The following AFAP1L2 variants were observed in gnomAD, a reference collection of about 807,000 sequenced individuals.
AFAP1L2 encodes the protein actin filament-associated protein 1-like 2.
Under a neutral mutation model 99.3 loss-of-function variants are expected in AFAP1L2, and 46 were observed. The ratio of observed to expected loss-of-function variants is 0.46; its 90% confidence interval spans 0.37 to 0.59. The LOEUF (loss-of-function observed/expected upper bound fraction) is 0.59, where lower values mean the gene tolerates loss of function less well. Ranked by LOEUF, AFAP1L2 falls within the 20% of genes least tolerant of loss-of-function variation. AFAP1L2 has a pLI of 0.00. For synonymous variants in AFAP1L2, 397 were observed against 419.1 expected (o/e 0.95, Z 0.64); for missense variants, 959 against 1,034.9 (o/e 0.93, Z 1.01).
chr10:114,307,285 C>T (rs2042586170), intron 10 of AFAP1L2, among the ~76,000 whole-genome samples: 1 of 152,124 alleles, frequency 6.6e-6, no homozygotes, highest in Non-Finnish European at 1.5e-5. Flanking sequence ...ACCATTCCAG[C>T]CCATTCCACT....
chr10:114,343,716 A>G (rs1459189945), intron 1 of AFAP1L2, among the ~76,000 whole-genome samples: 1 of 152,186 alleles, frequency 6.6e-6, no homozygotes, highest in Non-Finnish European at 1.5e-5. Flanking sequence ...TAGAGGTTGC[A>G]CCTGGCAAAA....
At chr10:114,286,618 G>A in the AFAP1L2 span, 4 of 945,656 alleles carry the variant, frequency 4.2e-6, no homozygotes, top group Non-Finnish European at 4.6e-6. Flanking sequence ...TCTAGGGGCT[G>A]AAACCACAGC....
chr10:114,290,341 T>C, downstream of AFAP1L2: 1 of 1,550,580 alleles, frequency 6.4e-7, no homozygotes, highest in Non-Finnish European at 8.7e-7. Context: ...TCGGGATGGC[T>C]GGGAGGGCCC....
rs2040105067 is a variant in AFAP1L2, at chr10:114,295,720, G to GT, written c.*321dup. 5 of 1,087,728 alleles carry GT rather than the reference G, an allele frequency of 4.6e-6. No homozygotes were observed. Among genetic ancestry groups the GT allele is most frequent in the Admixed American group, 9.7e-5 (2 of 20,640 alleles). The allele number at this position is 1,087,728 out of a possible 1,614,324, so 67.4% of individuals were successfully genotyped here. On this transcript the variant is annotated 3_prime_UTR_variant, in exon 19 of 19. Transcript: ENST00000304129. Reference sequence around the variant, plus strand: ...TCTTCCACCAAAGTCTAAACAGGAGGTTTTCACTATTTAAAAATCTTAGTA... The same window carrying GT: ...TCTTCCACCAAAGTCTAAACAGGAGGTTTTTCACTATTTAAAAATCTTAGTA...
intron 1 of AFAP1L2, among the ~76,000 whole-genome samples, chr10:114,387,708 A>T (rs2056677589): frequency 6.6e-6 from 1 of 152,228 alleles, no homozygotes; most frequent in African/African-American, 2.4e-5. Context: ...ATATGAACCC[A>T]ATCTGCACGA....
intron 1 of AFAP1L2, among the ~76,000 whole-genome samples, chr10:114,366,257 T>G (rs1056369115): frequency 1.3e-5 from 2 of 152,060 alleles, no homozygotes; most frequent in African/African-American, 4.8e-5. Context: ...AAATACGTAA[T>G]GGAGGCAGGC....
At chr10:114,396,222 GAC>G (rs1340215164) in intron 1 of AFAP1L2, among the ~76,000 whole-genome samples, 1 of 152,200 alleles carries the variant, frequency 6.6e-6, no homozygotes, top group African/African-American at 2.4e-5. Context: ...TAGAGATGCA[GAC>G]ACAGACCCAG....
intron 18 of AFAP1L2, 31 bp from the exon 19 acceptor site, chr10:114,296,099 C>G (rs778002942): frequency 6.2e-7 from 1 of 1,613,906 alleles, no homozygotes; most frequent in Non-Finnish European, 8.5e-7. Context: ...CAGCACCCAC[C>G]CCCCACCAAA....
At chr10:114,300,788 C>T in intron 13 of AFAP1L2, 98 bp from the exon 14 acceptor site, 1 of 1,468,576 alleles carries the variant, frequency 6.8e-7, no homozygotes, top group Non-Finnish European at 9.1e-7. Flanking sequence ...GTGCCCATCT[C>T]ACAGTGTTCC....
chr10:114,344,214 T>C (rs1363925753), intron 1 of AFAP1L2, among the ~76,000 whole-genome samples: 2 of 152,206 alleles, frequency 1.3e-5, no homozygotes, highest in Non-Finnish European at 2.9e-5. Context: ...TTGTGTTTTG[T>C]TACTAACAGC....
At chr10:114,333,373 A>C in intron 2 of AFAP1L2, 78 bp from the exon 3 acceptor site, 1 of 1,186,798 alleles carries the variant, frequency 8.4e-7, no homozygotes. Flanking sequence ...CTGTTACTCC[A>C]GAGCTGTTTT....
At position 114,322,066 on chromosome 10, in the gene AFAP1L2, G is replaced by C. The variant is rs137929777; in HGVS notation, c.406+1105C>G. 1.6e-3 allele frequency among the ~76,000 whole-genome samples: 250 copies of C among 152,172 alleles called. 1 individual carries two copies. Among genetic ancestry groups the C allele is most frequent in the African/African-American group, 5.8e-3 (239 of 41,508 alleles). The stretch of plus-strand genomic sequence containing the variant: ...GTGAATAAGTCTCACGAGATCTGAC[G>C]GTTTTATAAAGGGGAGTTTCCCTGT... On this transcript the variant is annotated intron_variant, in intron 5 of 18. Coordinates refer to ENST00000304129, the MANE Select transcript of AFAP1L2 (RefSeq NM_001001936.3).
rs186023464 is a variant in AFAP1L2 at position 114,337,358 on chromosome 10, A to T, written c.145+3245T>A. On this transcript the variant is annotated intron_variant, in intron 2 of 18. Coordinates refer to ENST00000304129, the MANE Select transcript of AFAP1L2 (RefSeq NM_001001936.3). ...TACTGCATTAAGTACAGGGACACAG[A>T]AAGTACACAATAAATGTTGGCTGCT... Among the ~76,000 whole-genome samples, 344 of 152,378 alleles carry T rather than the reference A, an allele frequency of 2.3e-3. 2 individuals carry two copies. Among genetic ancestry groups the T allele is most frequent in the Non-Finnish European group, 1.6e-3 (111 of 68,046 alleles).
At chr10:114,292,578 C>T (rs560487418), downstream of AFAP1L2, among the ~76,000 whole-genome samples, 2 of 150,538 alleles carry the variant, frequency 1.3e-5, no homozygotes, top group Non-Finnish European at 3.0e-5. Context: ...TATTCTCTGG[C>T]AAACTAGATA....
chr10:114,333,235 T>C lies in AFAP1L2; in HGVS notation c.206A>G (p.Glu69Gly). ...CAGCCTCATACCTTTGCCTTGAGAC[T>C]CTGCATTCTGTTGCTTGTTGATGGT... ...KVTINKQQNA[E>G]SQGKAPEEQG... Residue 69 changes from glutamate (E) to glycine (G), a missense_variant, in exon 3 of 19, where the codon GAG (glutamate) becomes GGG (glycine). By Grantham distance (98) the Glu-to-Gly change is moderately conservative. Transcript: ENST00000304129. The C allele has an allele frequency of 6.2e-7, 1 of 1,613,750 alleles. No homozygotes were observed. The highest frequency in any genetic ancestry group is 8.5e-7 in the Non-Finnish European group (1 of 1,179,914).
At chr10:114,296,385 T>C (rs1415443538) in intron 18 of AFAP1L2, 2 of 380,160 alleles carry the variant, frequency 5.3e-6, no homozygotes, top group Non-Finnish European at 9.6e-6. Flanking sequence ...GTAAGGAGGA[T>C]AGGAATAAGG....
At chr10:114,347,876 G>A (rs2049839603) in intron 1 of AFAP1L2, among the ~76,000 whole-genome samples, 1 of 152,074 alleles carries the variant, frequency 6.6e-6, no homozygotes. Context: ...CAATTCAGTG[G>A]TGTTAAGATT....
chr10:114,318,332 C>T (rs183403275), intron 5 of AFAP1L2, among the ~76,000 whole-genome samples: 6 of 152,320 alleles, frequency 3.9e-5, no homozygotes. Flanking sequence ...TCTGGGGTTG[C>T]CCCACATGTT....
intron 1 of AFAP1L2, among the ~76,000 whole-genome samples, chr10:114,378,680 C>T (rs1000894182): frequency 5.3e-5 from 8 of 152,182 alleles, no homozygotes; most frequent in African/African-American, 1.4e-4. Flanking sequence ...CCCCAAAATA[C>T]TAAAGCCAAG....
Sources: allele counts gnomAD v4.1 joint callset (sites outside exome capture counted in the v4.1 genomes callset), GRCh38; gene constraint gnomAD v4.1.1; transcripts MANE v1.5; gene names NCBI Gene and HGNC (gene_info 2026-07-23, HGNC 2026-07-21).